The following GPR158 variants were observed in gnomAD, a reference collection of about 807,000 sequenced individuals.
The protein encoded by GPR158 is G protein-coupled receptor 158.
A neutral mutation model predicts 78.2 loss-of-function variants in GPR158; 30 were observed. That is an observed-to-expected ratio of 0.38 (90% CI 0.29 to 0.52). The LOEUF is 0.52. Among genes scored for constraint, GPR158 ranks in the 20% least tolerant of loss-of-function variants. GPR158 has a pLI of 0.83. For missense variants in GPR158, 1,463 were observed against 1,523.5 expected, an observed-to-expected ratio of 0.96 and a Z score of 0.66; for synonymous variants, 581 against 591.1, an observed-to-expected ratio of 0.98 and a Z score of 0.25.
intron 2 of GPR158, among the ~76,000 whole-genome samples, chr10:25,371,243 G>T (rs886097626): frequency 6.6e-6 from 1 of 151,246 alleles, no homozygotes; most frequent in African/African-American, 2.4e-5. Context: ...CTCATTAGTT[G>T]ATGCAGTTTC....
At chr10:25,230,584 G>T (rs1046819381) in intron 2 of GPR158, among the ~76,000 whole-genome samples, 14 of 152,122 alleles carry the variant, frequency 9.2e-5, no homozygotes, top group Non-Finnish European at 1.6e-4. Flanking sequence ...AGACTCGTGG[G>T]TGATGTGATA....
chr10:25,419,533 T>A (rs1006284580), intron 4 of GPR158, among the ~76,000 whole-genome samples: 4 of 152,230 alleles, frequency 2.6e-5, no homozygotes, highest in Non-Finnish European at 5.9e-5. Flanking sequence ...TGCTGGATCA[T>A]ATAATTCTAT....
chr10:25,449,514 A>G (rs1321790082), intron 4 of GPR158, among the ~76,000 whole-genome samples: 2 of 152,206 alleles, frequency 1.3e-5, no homozygotes, highest in Non-Finnish European at 2.9e-5. Flanking sequence ...AGTGAGCACA[A>G]AACATGGGGA....
rs1487672389 is a variant in GPR158, at chr10:25,532,008, T to TA, written c.1405-18968_1405-18967insA. Among the ~76,000 whole-genome samples the TA allele has an allele frequency of 3.6e-3, 545 of 152,316 alleles. 1 individual carries two copies. The highest frequency in any genetic ancestry group is 0.011 in the African/African-American group (469 of 41,564). ...GGGAGATCATACCGGAAATGGTGAC[T>TA]TCTTCACAGAGGGAGACATAGGACT... On this transcript the variant is annotated intron_variant, in intron 5 of 10. Transcript: ENST00000376351.
intron 2 of GPR158, among the ~76,000 whole-genome samples, chr10:25,277,586 A>G (rs975085048): frequency 1.3e-5 from 2 of 152,112 alleles, no homozygotes; most frequent in African/African-American, 4.8e-5. Flanking sequence ...CGAAGGACAT[A>G]ACCAAGTGTG....
chr10:25,442,886 T>C (rs1426713489), intron 4 of GPR158, among the ~76,000 whole-genome samples: 2 of 152,166 alleles, frequency 1.3e-5, no homozygotes. Flanking sequence ...AATTTATTCT[T>C]CACCCCACAG....
At chr10:25,340,660 G>C (rs1855289861) in intron 2 of GPR158, among the ~76,000 whole-genome samples, 3 of 151,998 alleles carry the variant, frequency 2.0e-5, no homozygotes, top group Non-Finnish European at 4.4e-5. Context: ...ATTTGGGTCA[G>C]AAGAAACTAT....
chr10:25,382,810 A>G (rs1383527620), intron 2 of GPR158, among the ~76,000 whole-genome samples: 1 of 152,048 alleles, frequency 6.6e-6, no homozygotes, highest in East Asian at 1.9e-4. Context: ...AGATTCATTC[A>G]TTTATTTATT....
At chr10:25,442,156 G>A (rs1448699654) in intron 4 of GPR158, among the ~76,000 whole-genome samples, 10 of 152,180 alleles carry the variant, frequency 6.6e-5, no homozygotes, top group African/African-American at 1.4e-4. Context: ...GTTTAGCAGC[G>A]TGAAGTGACT....
intron 2 of GPR158, among the ~76,000 whole-genome samples, chr10:25,348,448 C>A (rs1223399026): frequency 1.3e-5 from 2 of 149,616 alleles, no homozygotes; most frequent in South Asian, 2.1e-4. Context: ...GAAAAACCCA[C>A]AAATTTATAT....
At chr10:25,227,295 AAG>A (rs774591845) in intron 2 of GPR158, among the ~76,000 whole-genome samples, 2 of 152,180 alleles carry the variant, frequency 1.3e-5, no homozygotes, top group Admixed American at 1.3e-4. Context: ...GGTTGGGGGA[AAG>A]AGAGAGAGAA....
chr10:25,599,227 A>T lies in GPR158; in HGVS notation c.3601A>T (p.Ile1201Leu). 5.0e-6 allele frequency: 8 copies of T among 1,612,638 alleles called. No individual in the cohort carries two copies. Among genetic ancestry groups the T allele is most frequent in the Non-Finnish European group, 5.9e-6 (7 of 1,179,798 alleles). Reference sequence around the variant, plus strand: ...CTCTTCTGCTCTAAGTGCAAATAAGATAGCAGGGCCTAGGAAAGAAGAGAT... The same window carrying T: ...CTCTTCTGCTCTAAGTGCAAATAAGTTAGCAGGGCCTAGGAAAGAAGAGAT... ...PASSALSANK[I>L]AGPRKEEIWD... Residue 1201 changes from isoleucine (I) to leucine (L), a missense_variant, in exon 11 of 11, where the codon ATA becomes TTA. Coordinates refer to ENST00000376351, the MANE Select transcript of GPR158 (RefSeq NM_020752.3).
chr10:25,446,463 T>C (rs529362164), intron 4 of GPR158, among the ~76,000 whole-genome samples: 2 of 152,302 alleles, frequency 1.3e-5, no homozygotes, highest in South Asian at 4.1e-4. Flanking sequence ...GATAGGTTTT[T>C]GTACTGATTT....
chr10:25,505,108 C>T (rs1336060880), intron 5 of GPR158, among the ~76,000 whole-genome samples: 3 of 152,216 alleles, frequency 2.0e-5, no homozygotes, highest in Admixed American at 2.0e-4. Context: ...AAACTTAGAA[C>T]TGTGCCTAAC....
At chr10:25,286,727 T>C (rs1453315976) in intron 2 of GPR158, among the ~76,000 whole-genome samples, 1 of 152,164 alleles carries the variant, frequency 6.6e-6, no homozygotes, top group Admixed American at 6.5e-5. Flanking sequence ...TGCCTTTCCT[T>C]ATGTTAAGCT....
intron 7 of GPR158, among the ~76,000 whole-genome samples, chr10:25,588,185 T>C (rs1837295336): frequency 6.6e-6 from 1 of 152,260 alleles, no homozygotes; most frequent in South Asian, 2.1e-4. Context: ...TTTATTTAAT[T>C]AGCACATAAT....
intron 2 of GPR158, among the ~76,000 whole-genome samples, chr10:25,247,606 A>C (rs537910791): frequency 2.2e-5 from 3 of 134,542 alleles, no homozygotes; most frequent in Non-Finnish European, 4.7e-5. Flanking sequence ...GAGAATGATG[A>C]TTTCCAATTT....
At chr10:25,397,035 A>C (rs1187117309) in intron 3 of GPR158, among the ~76,000 whole-genome samples, 1 of 152,154 alleles carries the variant, frequency 6.6e-6, no homozygotes, top group Non-Finnish European at 1.5e-5. Flanking sequence ...TACCAGGAGA[A>C]TCTCCCTCAC....
At chr10:25,304,424 A>G (rs569902453) in intron 2 of GPR158, among the ~76,000 whole-genome samples, 1 of 152,218 alleles carries the variant, frequency 6.6e-6, no homozygotes, top group South Asian at 2.1e-4. Context: ...TTCTGGCTCC[A>G]GAAGAAGAGA....
Sources: gnomAD v4.1 joint callset for allele counts (sites outside exome capture counted in the v4.1 genomes callset) on GRCh38, gnomAD v4.1.1 for gene constraint, MANE v1.5 for transcripts, NCBI Gene and HGNC (gene_info 2026-07-23, HGNC 2026-07-21) for gene names.